LHFPL3: variants seen among roughly 807,000 people sequenced by gnomAD.
The protein encoded by LHFPL3 is LHFPL tetraspan subfamily member 3, also known as LHFPL tetraspan subfamily member 3 protein.
LHFPL3 carries 5 observed loss-of-function variants against 19.3 expected under a neutral mutation model. The ratio of observed to expected loss-of-function variants is 0.26; its 90% CI spans 0.14 to 0.54. The LOEUF is 0.54. LHFPL3 is among the 20% of genes least tolerant of loss of function. The pLI, the probability that LHFPL3 is intolerant of heterozygous loss-of-function variation, is 0.94. For missense variants in LHFPL3, 249 were observed against 307.4 expected (o/e 0.81, Z 1.42); for synonymous variants, 133 against 126.2 (o/e 1.05, Z -0.36).
At chr7:104,373,146 A>C (rs1276257392) in intron 1 of LHFPL3, among the ~76,000 whole-genome samples, 1 of 152,212 alleles carries the variant, frequency 6.6e-6, no homozygotes, top group Non-Finnish European at 1.5e-5. Context: ...CCAACATTTC[A>C]TATTTATTTG....
intron 1 of LHFPL3, among the ~76,000 whole-genome samples, chr7:104,430,684 G>C (rs1791985906): frequency 6.6e-6 from 1 of 150,598 alleles, no homozygotes; most frequent in Non-Finnish European, 1.5e-5. Flanking sequence ...TTGCCAGGAT[G>C]GTCTCAATCT....
At chr7:104,712,639 ACAGG>A (rs1249423926) in intron 1 of LHFPL3, among the ~76,000 whole-genome samples, 1 of 152,210 alleles carries the variant, frequency 6.6e-6, no homozygotes, top group Admixed American at 6.5e-5. Context: ...AGAAGCTGAA[ACAGG>A]CAAGGAAACA....
At chr7:104,591,060 T>C (rs1790710184) in intron 1 of LHFPL3, among the ~76,000 whole-genome samples, 1 of 151,834 alleles carries the variant, frequency 6.6e-6, no homozygotes, top group Non-Finnish European at 1.5e-5. Flanking sequence ...GTCCTGACTC[T>C]TTATCCAATT....
At chr7:104,436,095 C>T (rs1243940548) in intron 1 of LHFPL3, among the ~76,000 whole-genome samples, 1 of 151,934 alleles carries the variant, frequency 6.6e-6, no homozygotes, top group Non-Finnish European at 1.5e-5. Flanking sequence ...AGCCCCTAGC[C>T]CCAAGAAGCT....
chr7:104,385,395 G>A (rs1790918282), intron 1 of LHFPL3, among the ~76,000 whole-genome samples: 1 of 53,228 alleles, frequency 1.9e-5, no homozygotes, highest in African/African-American at 5.8e-5. Flanking sequence ...CATTCTGATT[G>A]ATATCTGAGC....
At chr7:104,447,816 T>C (rs1391282848) in intron 1 of LHFPL3, among the ~76,000 whole-genome samples, 1 of 152,168 alleles carries the variant, frequency 6.6e-6, no homozygotes, top group Non-Finnish European at 1.5e-5. Context: ...ATGTACTATA[T>C]ACATTTTATA....
At chr7:104,618,351 G>C (rs1393971088) in intron 1 of LHFPL3, among the ~76,000 whole-genome samples, 2 of 152,122 alleles carry the variant, frequency 1.3e-5, no homozygotes, top group Non-Finnish European at 2.9e-5. Flanking sequence ...TGACTCATAT[G>C]ATCTTCATGA....
chr7:104,603,182 T>TCTTC lies in LHFPL3; in HGVS notation c.446-133489_446-133486dup, dbSNP rs1368990770. On this transcript the variant is annotated intron_variant, in intron 1 of 2. Coordinates refer to ENST00000424859, the MANE Select transcript of LHFPL3 (RefSeq NM_199000.3). ...TCCTTCCTTTCTTTCTTTCTTTCTTTCTTCCTTTCTTTCTTTCTTTCTCTT... is the reference window on the plus strand; with the variant it reads ...TCCTTCCTTTCTTTCTTTCTTTCTTTCTTCCTTCCTTTCTTTCTTTCTTTCTCTT... 1.7e-4 allele frequency among the ~76,000 whole-genome samples: 19 copies of TCTTC among 110,144 alleles called. 1 individual carries two copies. Among genetic ancestry groups the TCTTC allele is most frequent in the African/African-American group, 5.4e-4 (18 of 33,386 alleles). The allele number at this position is 110,144 out of a possible 152,430, so 72.3% of individuals were successfully genotyped here. A position where few individuals can be genotyped will look rare whatever the true frequency, so the allele number is the denominator to read the frequency against.
At position 104,779,488 on chromosome 7, in the gene LHFPL3, G is replaced by A. The variant is rs117145793; in HGVS notation, c.682+42577G>A. Among the ~76,000 whole-genome samples, 692 of 152,200 alleles carry A rather than the reference G, an allele frequency of 4.5e-3. 4 individuals carry two copies. Among genetic ancestry groups the A allele is most frequent in the Middle Eastern group, 0.02 (6 of 294 alleles). ...TATTCCTTCCATGGGAGTCTGTGACGCCCAGGATGCCTCTTGGTTAGATCT... is the reference window on the plus strand; with the variant it reads ...TATTCCTTCCATGGGAGTCTGTGACACCCAGGATGCCTCTTGGTTAGATCT... On this transcript the variant is annotated intron_variant, in intron 2 of 2. Coordinates refer to ENST00000424859, the MANE Select transcript of LHFPL3 (RefSeq NM_199000.3).
At chr7:104,350,805 C>T (rs1351533090) in intron 1 of LHFPL3, among the ~76,000 whole-genome samples, 8 of 152,080 alleles carry the variant, frequency 5.3e-5, no homozygotes, top group Admixed American at 3.9e-4. Flanking sequence ...TTTGGGAGGC[C>T]GAGGTGGGTG....
At chr7:104,638,932 AT>A (rs374523317) in intron 1 of LHFPL3, among the ~76,000 whole-genome samples, 198 of 142,242 alleles carry the variant, frequency 1.4e-3, no homozygotes, top group Middle Eastern at 3.6e-3. Flanking sequence ...CACACCCAGC[AT>A]TTTTTTTTTT....
intron 1 of LHFPL3, among the ~76,000 whole-genome samples, chr7:104,580,376 A>G (rs1048900570): frequency 2.0e-5 from 3 of 152,180 alleles, no homozygotes; most frequent in Admixed American, 2.0e-4. Flanking sequence ...AGAATTGTAC[A>G]GTGATCACCC....
At chr7:104,869,301 G>A (rs1435281857) in intron 2 of LHFPL3, among the ~76,000 whole-genome samples, 1 of 152,100 alleles carries the variant, frequency 6.6e-6, no homozygotes, top group Non-Finnish European at 1.5e-5. Context: ...GGTAAACAGG[G>A]AACCTACAGA....
At chr7:104,862,584 G>A (rs1791635714) in intron 2 of LHFPL3, among the ~76,000 whole-genome samples, 1 of 151,988 alleles carries the variant, frequency 6.6e-6, no homozygotes, top group Admixed American at 6.6e-5. Context: ...GCTTCCTTCT[G>A]CTTTGGAGAA....
chr7:104,474,319 G>C (rs1319649128), intron 1 of LHFPL3, among the ~76,000 whole-genome samples: 1 of 152,130 alleles, frequency 6.6e-6, no homozygotes, highest in African/African-American at 2.4e-5. Flanking sequence ...AAATATTTGG[G>C]TGTGTATTAT....
intron 1 of LHFPL3, among the ~76,000 whole-genome samples, chr7:104,496,003 T>C (rs547262040): frequency 3.3e-5 from 5 of 152,356 alleles, no homozygotes; most frequent in African/African-American, 1.2e-4. Context: ...AGTTTTAGGA[T>C]ACATGTGCAC....
At chr7:104,695,732 C>T (rs1251973763) in intron 1 of LHFPL3, among the ~76,000 whole-genome samples, 1 of 152,152 alleles carries the variant, frequency 6.6e-6, no homozygotes, top group Non-Finnish European at 1.5e-5. Context: ...AATAGCAATA[C>T]ATTTGCTAAA....
At chr7:104,693,964 G>A (rs956407941) in intron 1 of LHFPL3, among the ~76,000 whole-genome samples, 6 of 152,008 alleles carry the variant, frequency 3.9e-5, no homozygotes, top group Admixed American at 6.6e-5. Flanking sequence ...ACTCAGTCTC[G>A]GGTATTTCTT....
chr7:104,737,156 T>C (rs1056854246), intron 2 of LHFPL3, among the ~76,000 whole-genome samples: 30 of 152,120 alleles, frequency 2.0e-4, no homozygotes, highest in Non-Finnish European at 1.6e-4. Flanking sequence ...TTGATGCTTT[T>C]TTTTTTCCGG....
Sources: allele counts gnomAD v4.1 joint callset (sites outside exome capture counted in the v4.1 genomes callset), GRCh38; gene constraint gnomAD v4.1.1; transcripts MANE v1.5; gene names NCBI Gene and HGNC (gene_info 2026-07-23, HGNC 2026-07-21).